Variants in PER3 observed in about 807,000 individuals in gnomAD.
PER3 encodes the protein period circadian protein homolog 3.
A neutral mutation model predicts 127.2 loss-of-function variants in PER3; 107 were observed. The observed-to-expected ratio is 0.84, with a 90% CI of 0.72 to 0.99. PER3 has a LOEUF of 0.99. Among genes scored for constraint, PER3 ranks in the 50% least tolerant of loss-of-function variants. PER3 has a pLI of 0.00. For synonymous variants in PER3, 618 were observed against 585.8 expected (o/e 1.05, Z -0.79); for missense variants, 1,560 against 1,525.8 (o/e 1.02, Z -0.37).
At chr1:7,818,992 A>G (rs927864976) in intron 13 of PER3, among the ~76,000 whole-genome samples, 2 of 152,200 alleles carry the variant, frequency 1.3e-5, no homozygotes, top group African/African-American at 4.8e-5. Context: ...CCTTAAACCT[A>G]TGGTTTCATT....
chr1:7,799,549 G>A (rs974431573), intron 7 of PER3, among the ~76,000 whole-genome samples: 1 of 151,060 alleles, frequency 6.6e-6, no homozygotes, highest in Non-Finnish European at 1.5e-5. Flanking sequence ...GGCGGAGGTT[G>A]CGGTGAGCTG....
At chr1:7,793,682 GT>G (rs1161412939) in intron 5 of PER3, among the ~76,000 whole-genome samples, 2 of 152,284 alleles carry the variant, frequency 1.3e-5, no homozygotes, top group East Asian at 3.9e-4. Context: ...AACATGGGCA[GT>G]TTGGGAACTA....
At chr1:7,810,339 A>G in intron 12 of PER3, 99 bp from the exon 13 acceptor site, 1 of 882,032 alleles carries the variant, frequency 1.1e-6, no homozygotes, top group Non-Finnish European at 1.8e-6. Flanking sequence ...CAGTCATTAT[A>G]TCTTCAAAGA....
At chr1:7,789,001 A>T (rs1267916638) in intron 5 of PER3, among the ~76,000 whole-genome samples, 3 of 151,856 alleles carry the variant, frequency 2.0e-5, no homozygotes, top group African/African-American at 7.3e-5. Flanking sequence ...TCCTTCTGGA[A>T]TGCTTTTCTT....
rs748934138 is a variant in PER3, at chr1:7,785,616, A to G, written c.274+30A>G. On this transcript the variant is annotated intron_variant, in intron 3 of 21. Coordinates refer to ENST00000377532, the MANE Select transcript of PER3 (RefSeq NM_001377275.1). The stretch of plus-strand genomic sequence containing the variant: ...ACAAGCCGGAGAGAAATTTCATCCT[A>G]CGAATGCACCAGGACTCATACAAGC... 46 of 1,599,846 alleles carry G rather than the reference A, an allele frequency of 2.9e-5. 1 individual carries two copies. In the South Asian group the frequency reaches 4.7e-4, roughly 16 times the overall value.
intron 4 of PER3, chr1:7,787,437 TA>T: frequency 4.4e-6 from 2 of 454,204 alleles, no homozygotes; most frequent in Non-Finnish European, 8.6e-6. Flanking sequence ...CCTAGTATTA[TA>T]ACAGTGCTTA....
chr1:7,833,742 A>C (rs1435615416), intron 19 of PER3, among the ~76,000 whole-genome samples: 1 of 152,154 alleles, frequency 6.6e-6, no homozygotes, highest in Non-Finnish European at 1.5e-5. Flanking sequence ...TTTAATGTGA[A>C]TATTGATATG....
rs1162915773 is a variant in PER3 at position 7,836,249 on chromosome 1, G to A, written c.3398+304G>A. 2.6e-5 allele frequency among the ~76,000 whole-genome samples: 4 copies of A among 152,028 alleles called. No homozygotes were observed. The South Asian group carries it at 6.2e-4, about 24-fold the overall frequency. ...GGCTGGAGTGCCGTGGTGCCATCTC[G>A]GCTCACTACAACCTCCACCTCCCAG... On this transcript the variant is annotated intron_variant, in intron 20 of 21. Transcript: ENST00000377532.
At chr1:7,784,467 C>G (rs2097074593) in intron 1 of PER3, 91 bp downstream of exon 1, 1 of 154,954 alleles carries the variant, frequency 6.5e-6, no homozygotes, top group African/African-American at 2.4e-5. Flanking sequence ...GCCCTGCCCT[C>G]GGTACTGGGG....
chr1:7,816,378 G>T (rs933464702), intron 13 of PER3, among the ~76,000 whole-genome samples: 1 of 152,078 alleles, frequency 6.6e-6, no homozygotes, highest in Non-Finnish European at 1.5e-5. Context: ...TGATAACTAT[G>T]GCCATACCAC....
intron 12 of PER3, 108 bp from the exon 13 acceptor site, chr1:7,810,330 A>G: frequency 1.2e-6 from 1 of 804,384 alleles, no homozygotes; most frequent in South Asian, 1.8e-5. Flanking sequence ...ACTGTGCTTC[A>G]GTCATTATAT....
intron 20 of PER3, 83 bp downstream of exon 20, chr1:7,836,028 C>T (rs1470898298): frequency 8.7e-6 from 8 of 919,818 alleles, no homozygotes; most frequent in South Asian, 1.7e-5. Flanking sequence ...GACGGAGTCT[C>T]GCCCTGTCAC....
chr1:7,804,877 T>TC (rs1240485758), intron 10 of PER3, among the ~76,000 whole-genome samples: 2 of 150,920 alleles, frequency 1.3e-5, no homozygotes, highest in Non-Finnish European at 3.0e-5. Flanking sequence ...TTAGTCCTTT[T>TC]TTTTTTTTTG....
At position 7,827,519 on chromosome 1, in the gene PER3, C is replaced by G. The variant is rs228697; in HGVS notation, c.2590C>G (p.Pro864Ala). Residue 864 changes from proline to alanine, a missense_variant, in exon 18 of 22, where the codon CCT becomes GCT. Pro to Ala is a conservative substitution (Grantham distance 27). Transcript: ENST00000377532. ...TFMTVFLPDP[P>A]VCPLLSPSFL... is the part of the protein sequence containing the mutation. ...TATGACCGTTTTCCTGCCTGACCCC[C>G]CTGTCTGTCCTCTGTTGTCGCCATC... 150,322 of 1,614,104 alleles carry G rather than the reference C, an allele frequency of 0.093. 7,495 individuals are homozygous for G. Among genetic ancestry groups the G allele is most frequent in the Middle Eastern group, 0.13 (817 of 6,062 alleles).
intron 4 of PER3, chr1:7,787,241 G>A (rs1488439905): frequency 1.1e-6 from 1 of 897,982 alleles, no homozygotes; most frequent in East Asian, 1.0e-4. Flanking sequence ...GGATGTTATA[G>A]AACAGGTGAG....
chr1:7,799,907 C>T (rs1462952194), intron 7 of PER3, among the ~76,000 whole-genome samples: 1 of 151,750 alleles, frequency 6.6e-6, no homozygotes, highest in Non-Finnish European at 1.5e-5. Flanking sequence ...TAGTTAGGAC[C>T]ACAGGCACGC....
chr1:7,786,161 A>G (rs2097089386), intron 3 of PER3, among the ~76,000 whole-genome samples: 1 of 152,234 alleles, frequency 6.6e-6, no homozygotes, highest in African/African-American at 2.4e-5. Flanking sequence ...AGGCTGAGAC[A>G]GGAGAACGGC....
At chr1:7,801,414 G>A (rs1344666371) in intron 8 of PER3, among the ~76,000 whole-genome samples, 2 of 152,146 alleles carry the variant, frequency 1.3e-5, no homozygotes, top group African/African-American at 4.8e-5. Context: ...TAAACAGTAT[G>A]CTTTAGGTAG....
At chr1:7,786,602 A>G in intron 3 of PER3, 119 bp from the exon 4 acceptor site, 1 of 578,078 alleles carries the variant, frequency 1.7e-6, no homozygotes, top group East Asian at 2.8e-5. Context: ...TCTGTTTTTG[A>G]GAAAAATGCA....
Sources: allele counts gnomAD v4.1 joint callset (sites outside exome capture counted in the v4.1 genomes callset), GRCh38; gene constraint gnomAD v4.1.1; transcripts MANE v1.5; gene names NCBI Gene and HGNC (gene_info 2026-07-23, HGNC 2026-07-21).